The following GPC5 variants were observed in gnomAD, a reference collection of about 807,000 sequenced individuals.
GPC5 encodes glypican-5.
In GPC5, 47 loss-of-function variants were observed where a neutral mutation model predicts 53.9. The ratio of observed to expected loss-of-function variants is 0.87; its 90% confidence interval spans 0.69 to 1.11. The LOEUF is 1.11. GPC5 is among the 50% of genes most tolerant of loss of function. The probability of loss-of-function intolerance (pLI) is 0.00; values close to 1 mark genes in which losing one functional copy is unlikely to be tolerated. For synonymous variants in GPC5, 286 were observed against 263.3 expected (o/e 1.09, Z -0.84); for missense variants, 748 against 713.1 (o/e 1.05, Z -0.56).
chr13:92,247,374 T>C (rs1415277688), intron 7 of GPC5, among the ~76,000 whole-genome samples: 3 of 152,184 alleles, frequency 2.0e-5, no homozygotes, highest in Admixed American at 6.5e-5. Context: ...TATCTAAGAC[T>C]GAGCAATCAC....
At chr13:92,217,613 AC>A (rs2042420064) in intron 7 of GPC5, among the ~76,000 whole-genome samples, 1 of 152,176 alleles carries the variant, frequency 6.6e-6, no homozygotes, top group Non-Finnish European at 1.5e-5. Context: ...TGTCTCCGCC[AC>A]CAAGTGCAAA....
rs528878255 is a variant in GPC5, at chr13:92,332,011, A to C, written c.1561+187022A>C. Reference sequence around the variant, plus strand: ...AATACAGAAGCAATTCAATGTATAAACTCTGTATTCCCATTTTATAGCACT... The same window carrying C: ...AATACAGAAGCAATTCAATGTATAACCTCTGTATTCCCATTTTATAGCACT... On this transcript the variant is annotated intron_variant, in intron 7 of 7. Transcript: ENST00000377067. Among the ~76,000 whole-genome samples the C allele has an allele frequency of 3.3e-5, 5 of 152,262 alleles. No homozygotes were observed. The South Asian group carries it at 1.0e-3, about 31-fold the overall frequency.
rs180731175 is a variant in GPC5, at chr13:91,456,640, T to A, written c.325+7718T>A. On this transcript the variant is annotated intron_variant, in intron 2 of 7. Coordinates refer to ENST00000377067, the MANE Select transcript of GPC5 (RefSeq NM_004466.6). ...CAAGGGAAAATTGTAATGTAAGCAT[T>A]GTGTGGTATGACACTCATTTTGTAA... 2.8e-3 allele frequency among the ~76,000 whole-genome samples: 422 copies of A among 152,166 alleles called. 2 individuals carry two copies. Among genetic ancestry groups the A allele is most frequent in the Non-Finnish European group, 3.8e-3 (259 of 67,968 alleles).
chr13:91,412,140 C>A (rs559905036), intron 1 of GPC5, among the ~76,000 whole-genome samples: 1 of 152,232 alleles, frequency 6.6e-6, no homozygotes, highest in Non-Finnish European at 1.5e-5. Context: ...TCCCCACCTA[C>A]GCTGTCAATT....
chr13:91,409,274 C>A (rs772268021), intron 1 of GPC5, among the ~76,000 whole-genome samples: 52 of 151,974 alleles, frequency 3.4e-4, no homozygotes, highest in Non-Finnish European at 1.5e-4. Flanking sequence ...GGAAAAAAGT[C>A]ATTTTTAAAA....
At chr13:91,948,374 A>C (rs1287701654) in intron 6 of GPC5, among the ~76,000 whole-genome samples, 10 of 152,166 alleles carry the variant, frequency 6.6e-5, no homozygotes, top group Non-Finnish European at 1.5e-4. Flanking sequence ...GGACGAGCAT[A>C]GATATTCATT....
intron 7 of GPC5, among the ~76,000 whole-genome samples, chr13:92,610,915 G>A (rs1884413619): frequency 2.0e-5 from 3 of 151,272 alleles, no homozygotes; most frequent in Admixed American, 6.6e-5. Flanking sequence ...TTTACAATTC[G>A]AGATGATATC....
intron 7 of GPC5, among the ~76,000 whole-genome samples, chr13:92,201,697 G>T (rs531778012): frequency 6.6e-6 from 1 of 152,298 alleles, no homozygotes; most frequent in South Asian, 2.1e-4. Context: ...ACAGGTGGGG[G>T]AGATTGCTAG....
chr13:92,466,811 C>A (rs1050282492), intron 7 of GPC5, among the ~76,000 whole-genome samples: 1 of 151,878 alleles, frequency 6.6e-6, no homozygotes, highest in Non-Finnish European at 1.5e-5. Context: ...GGGGTTAATA[C>A]CGTAAAAAGT....
At chr13:92,220,168 T>C (rs570717213) in intron 7 of GPC5, among the ~76,000 whole-genome samples, 2 of 152,262 alleles carry the variant, frequency 1.3e-5, no homozygotes, top group Admixed American at 6.5e-5. Flanking sequence ...GTGCTTTTCT[T>C]TTTGCTTTCC....
intron 7 of GPC5, among the ~76,000 whole-genome samples, chr13:92,416,217 A>G (rs1388871131): frequency 2.6e-5 from 4 of 152,204 alleles, no homozygotes; most frequent in East Asian, 3.9e-4. Flanking sequence ...TTTACTGCCA[A>G]CTTATTTATG....
chr13:92,703,727 A>G (rs1887844536), intron 7 of GPC5, among the ~76,000 whole-genome samples: 1 of 151,586 alleles, frequency 6.6e-6, no homozygotes, highest in South Asian at 2.1e-4. Flanking sequence ...ATTGAGCAGC[A>G]TGTTACTGTT....
chr13:91,896,244 T>A (rs2039441167), intron 5 of GPC5, among the ~76,000 whole-genome samples: 3 of 151,676 alleles, frequency 2.0e-5, no homozygotes. Flanking sequence ...CTCAGGCTCC[T>A]GAGTAGTTGG....
intron 5 of GPC5, among the ~76,000 whole-genome samples, chr13:91,782,784 A>G (rs1156257215): frequency 6.6e-6 from 1 of 152,170 alleles, no homozygotes; most frequent in Non-Finnish European, 1.5e-5. Flanking sequence ...CAACACAGAT[A>G]AATAAAAGAA....
At chr13:91,718,179 C>T (rs2036384449) in intron 3 of GPC5, among the ~76,000 whole-genome samples, 2 of 151,856 alleles carry the variant, frequency 1.3e-5, no homozygotes, top group African/African-American at 2.4e-5. Flanking sequence ...GGCGCGATCT[C>T]GGCTCGCTGC....
chr13:92,197,791 C>G (rs2042267726), intron 7 of GPC5, among the ~76,000 whole-genome samples: 1 of 151,928 alleles, frequency 6.6e-6, no homozygotes, highest in African/African-American at 2.4e-5. Flanking sequence ...CCTAGGATTA[C>G]AGGCATGAGT....
intron 7 of GPC5, among the ~76,000 whole-genome samples, chr13:92,361,200 A>T (rs1341387259): frequency 6.6e-6 from 1 of 151,744 alleles, no homozygotes; most frequent in Non-Finnish European, 1.5e-5. Context: ...AAAAAAAACA[A>T]TGGATGCTAA....
At chr13:91,482,658 G>A (rs573036317) in intron 2 of GPC5, among the ~76,000 whole-genome samples, 87 of 152,166 alleles carry the variant, frequency 5.7e-4, no homozygotes, top group Non-Finnish European at 1.1e-3. Context: ...TTTGACCACA[G>A]GAATGTCATC....
chr13:91,752,442 AT>A (rs1396004962), intron 4 of GPC5, among the ~76,000 whole-genome samples: 3 of 152,228 alleles, frequency 2.0e-5, no homozygotes, highest in South Asian at 2.1e-4. Flanking sequence ...CAACATATGA[AT>A]TTTTTTGTGG....
Sources: allele counts gnomAD v4.1 joint callset (sites outside exome capture counted in the v4.1 genomes callset), GRCh38; gene constraint gnomAD v4.1.1; transcripts MANE v1.5; gene names NCBI Gene and HGNC (gene_info 2026-07-23, HGNC 2026-07-21).